Variants in NCAM1 observed in about 807,000 individuals in gnomAD.
The protein encoded by NCAM1 is neural cell adhesion molecule 1.
In NCAM1, 14 loss-of-function variants were observed where a neutral mutation model predicts 109.8. That is an observed-to-expected ratio of 0.13 (90% CI 0.08 to 0.20). The LOEUF is 0.20. NCAM1 is among the 10% of genes least tolerant of loss of function. The probability of loss-of-function intolerance (pLI) is 1.00; values close to 1 mark genes in which losing one functional copy is unlikely to be tolerated. For synonymous variants in NCAM1, 418 were observed against 442.9 expected (o/e 0.94, Z 0.70); for missense variants, 774 against 1,109.9 (o/e 0.70, Z 4.30).
At chr11:113,140,453 T>C (rs2136193326) in intron 1 of NCAM1, among the ~76,000 whole-genome samples, 1 of 152,208 alleles carries the variant, frequency 6.6e-6, no homozygotes, top group East Asian at 1.9e-4. Flanking sequence ...ACACTAGACA[T>C]CCCCCAAGGA....
At chr11:113,208,059 A>G in intron 7 of NCAM1, 57 bp downstream of exon 7, 6 of 1,537,994 alleles carry the variant, frequency 3.9e-6, no homozygotes, top group Non-Finnish European at 5.3e-6. Flanking sequence ...TCCTCTGCAC[A>G]TTCAGTCCAT....
intron 1 of NCAM1, among the ~76,000 whole-genome samples, chr11:113,139,742 C>G (rs1383556646): frequency 6.6e-6 from 1 of 151,462 alleles, no homozygotes; most frequent in African/African-American, 2.4e-5. Flanking sequence ...AAAAATCTTT[C>G]TGTACATTTT....
At chr11:113,005,870 G>A (rs1555073224) in intron 1 of NCAM1, among the ~76,000 whole-genome samples, 1 of 152,130 alleles carries the variant, frequency 6.6e-6, no homozygotes, top group East Asian at 1.9e-4. Flanking sequence ...CAACAATGAT[G>A]GCTTATTTCA....
intron 1 of NCAM1, among the ~76,000 whole-genome samples, chr11:113,021,726 C>T (rs939219488): frequency 8.5e-5 from 13 of 152,200 alleles, no homozygotes; most frequent in African/African-American, 3.1e-4. Flanking sequence ...CAGGCTTACA[C>T]AAATTGTCAT....
chr11:113,027,786 A>G (rs1317809006), intron 1 of NCAM1, among the ~76,000 whole-genome samples: 1 of 152,244 alleles, frequency 6.6e-6, no homozygotes, highest in African/African-American at 2.4e-5. Flanking sequence ...GAGTTTCTTT[A>G]ATAAGATTTT....
intron 1 of NCAM1, among the ~76,000 whole-genome samples, chr11:113,047,029 T>G (rs190515551): frequency 6.6e-6 from 1 of 152,332 alleles, no homozygotes; most frequent in Non-Finnish European, 1.5e-5. Context: ...GTGTTAGGCT[T>G]TCATGTAAAC....
chr11:113,124,588 C>T (rs1439089904), intron 1 of NCAM1, among the ~76,000 whole-genome samples: 1 of 152,216 alleles, frequency 6.6e-6, no homozygotes, highest in Non-Finnish European at 1.5e-5. Flanking sequence ...CGGTTCATTA[C>T]ATATGGGAAA....
At chr11:113,105,192 G>T (rs1182010385) in intron 1 of NCAM1, among the ~76,000 whole-genome samples, 1 of 152,226 alleles carries the variant, frequency 6.6e-6, no homozygotes. Flanking sequence ...TGCAGTTGAG[G>T]TTGGCAGGTC....
intron 1 of NCAM1, among the ~76,000 whole-genome samples, chr11:113,126,902 G>A (rs1555097231): frequency 6.6e-6 from 1 of 152,176 alleles, no homozygotes; most frequent in Non-Finnish European, 1.5e-5. Context: ...TCCTAACAGT[G>A]TGCAATTTCA....
chr11:113,070,515 C>T (rs1555085107), intron 1 of NCAM1, among the ~76,000 whole-genome samples: 1 of 151,694 alleles, frequency 6.6e-6, no homozygotes, highest in Non-Finnish European at 1.5e-5. Flanking sequence ...GGGCATCAGG[C>T]AGTGTAAAGG....
chr11:113,062,394 C>T (rs1937708242), intron 1 of NCAM1, among the ~76,000 whole-genome samples: 1 of 152,152 alleles, frequency 6.6e-6, no homozygotes, highest in South Asian at 2.1e-4. Flanking sequence ...ATAATGTTTT[C>T]AGCACGACTA....
chr11:113,070,139 T>C (rs960657836), intron 1 of NCAM1, among the ~76,000 whole-genome samples: 3 of 152,162 alleles, frequency 2.0e-5, no homozygotes, highest in African/African-American at 7.2e-5. Flanking sequence ...ATAAGCCTAG[T>C]GTCATTGCAC....
intron 9 of NCAM1, among the ~76,000 whole-genome samples, chr11:113,230,032 T>C (rs1464495440): frequency 1.3e-5 from 2 of 151,546 alleles, no homozygotes; most frequent in South Asian, 2.1e-4. Context: ...TGTATACGTA[T>C]GTAACAAACC....
At chr11:113,117,723 TG>T (rs1555095194) in intron 1 of NCAM1, among the ~76,000 whole-genome samples, 2 of 152,066 alleles carry the variant, frequency 1.3e-5, no homozygotes, top group Admixed American at 1.3e-4. Flanking sequence ...CTTATAAATC[TG>T]TGAGACTTCT....
At chr11:113,030,748 T>C (rs782516003) in intron 1 of NCAM1, among the ~76,000 whole-genome samples, 1 of 152,214 alleles carries the variant, frequency 6.6e-6, no homozygotes, top group African/African-American at 2.4e-5. Context: ...TTGTACTTCC[T>C]GTTGCAAAAG....
At chr11:113,139,225 G>T (rs1475310060) in intron 1 of NCAM1, among the ~76,000 whole-genome samples, 2 of 152,148 alleles carry the variant, frequency 1.3e-5, no homozygotes, top group Non-Finnish European at 2.9e-5. Flanking sequence ...ATTATTACTG[G>T]CAGAAAGAAA....
rs1555063064 is a variant in NCAM1, at chr11:112,961,654, G to T, written c.42G>T (p.Leu14=). 6.7e-7 allele frequency: 1 copy of T among 1,482,028 alleles called. No individual in the cohort carries two copies. The highest frequency in any genetic ancestry group is 9.4e-7 in the Non-Finnish European group (1 of 1,069,414). 91.8% of individuals were successfully genotyped at this position (1,482,028 alleles called of 1,614,324 possible). A position where few individuals can be genotyped will look rare whatever the true frequency, so the allele number is the denominator to read the frequency against. Residue 14 remains leucine (L), a synonymous_variant, in exon 1 of 20, where the codon CTG becomes CTT. Transcript: ENST00000316851. ...ATCTCATCTGGACTTTGTTTTTCCT[G>T]GGAACTGCAGGTACATTTTTTTTTT... ...TKDLIWTLFF[L]GTAVSLQVDI... is the part of the protein sequence containing the mutation.
rs141925218 is a variant in NCAM1, at chr11:113,065,292, A to G, written c.52+103628A>G. 2.0e-5 allele frequency among the ~76,000 whole-genome samples: 3 copies of G among 152,356 alleles called. No homozygotes were observed. In the East Asian group the frequency reaches 5.8e-4, roughly 29 times the overall value. On this transcript the variant is annotated intron_variant, in intron 1 of 19. Transcript: ENST00000316851. ...TGAATAAATTAATTTATTCAGGAGA[A>G]GAGACAAATTTCACATGCAAAAGAA...
chr11:112,986,206 A>G (rs1940721), intron 1 of NCAM1, among the ~76,000 whole-genome samples: 18,470 of 152,038 alleles, frequency 0.12, 1,218 homozygotes, highest in East Asian at 0.32. Flanking sequence ...AATATAGTAT[A>G]TCACATTTAT....
Sources: gnomAD v4.1 joint callset for allele counts (sites outside exome capture counted in the v4.1 genomes callset) on GRCh38, gnomAD v4.1.1 for gene constraint, MANE v1.5 for transcripts, NCBI Gene and HGNC (gene_info 2026-07-23, HGNC 2026-07-21) for gene names.